The following SMAGP variants were observed in gnomAD, a reference collection of about 807,000 sequenced individuals.
SMAGP encodes small cell adhesion glycoprotein.
In SMAGP, 7 loss-of-function variants were observed where a neutral mutation model predicts 10.1. The ratio of observed to expected loss-of-function variants is 0.70; its 90% CI spans 0.40 to 1.31. The LOEUF (loss-of-function observed/expected upper bound fraction) is 1.31, where lower values mean the gene tolerates loss of function less well. Among genes scored for constraint, SMAGP ranks in the 50% most tolerant of loss-of-function variants. The pLI, the probability that SMAGP is intolerant of heterozygous loss-of-function variation, is 0.01. For synonymous variants in SMAGP, 49 were observed against 47.2 expected, an observed-to-expected ratio of 1.04 and a Z score of -0.16; for missense variants, 113 against 116.5, an observed-to-expected ratio of 0.97 and a Z score of 0.14.
intron 2 of SMAGP, among the ~76,000 whole-genome samples, chr12:51,266,389 C>T (rs1424966741): frequency 1.3e-5 from 2 of 149,636 alleles, no homozygotes; most frequent in African/African-American, 4.9e-5. Context: ...GGCCCCAAAG[C>T]ACAAGAATAG....
At chr12:51,255,483 C>T (rs954300395) in intron 2 of SMAGP, among the ~76,000 whole-genome samples, 59 of 152,152 alleles carry the variant, frequency 3.9e-4, no homozygotes, top group Non-Finnish European at 2.8e-4. Flanking sequence ...CTGAGACCAC[C>T]ATGTTGAGAG....
At chr12:51,246,635 TG>T in intron 3 of SMAGP, 115 bp downstream of exon 3, 1 of 623,976 alleles carries the variant, frequency 1.6e-6, no homozygotes, top group Non-Finnish European at 2.7e-6. Flanking sequence ...TGTGTGTGTG[TG>T]TGTAATATAA....
intron 2 of SMAGP, among the ~76,000 whole-genome samples, chr12:51,254,705 T>C (rs1565658286): frequency 6.6e-6 from 1 of 152,086 alleles, no homozygotes. Flanking sequence ...GCTTTACTGA[T>C]GAGGTGACTT....
intron 2 of SMAGP, among the ~76,000 whole-genome samples, chr12:51,251,771 T>TAGTTTATTTTC (rs1944840987): frequency 6.6e-6 from 1 of 152,186 alleles, no homozygotes; most frequent in African/African-American, 2.4e-5. Context: ...TCTTTATTTT[T>TAGTTTATTTTC]AGTTTATTTT....
chr12:51,246,604 C>CTG (rs59561227), intron 3 of SMAGP, 147 bp downstream of exon 3: 41,252 of 331,776 alleles, frequency 0.12, 362 homozygotes, highest in East Asian at 0.21. Flanking sequence ...TCTTTTATGG[C>CTG]TGTGTGTGTG....
intron 2 of SMAGP, among the ~76,000 whole-genome samples, chr12:51,249,531 C>G (rs1217021684): frequency 6.6e-6 from 1 of 152,118 alleles, no homozygotes; most frequent in Non-Finnish European, 1.5e-5. Flanking sequence ...CAGAGAAATT[C>G]TCAAATATTT....
intron 2 of SMAGP, among the ~76,000 whole-genome samples, chr12:51,264,950 A>AG (rs1555167582): frequency 1.5e-4 from 23 of 150,540 alleles, no homozygotes; most frequent in Middle Eastern, 3.5e-3. Flanking sequence ...AAAAAAAAAA[A>AG]AGAGAAAGAG....
At chr12:51,265,653 G>C (rs1310092107) in intron 2 of SMAGP, among the ~76,000 whole-genome samples, 1 of 152,202 alleles carries the variant, frequency 6.6e-6, no homozygotes, top group African/African-American at 2.4e-5. Flanking sequence ...GAAGTACCTA[G>C]AGCAGTCAAA....
chr12:51,246,214 G>A, intron 3 of SMAGP, 95 bp from the exon 4 acceptor site: 1 of 1,521,800 alleles, frequency 6.6e-7, no homozygotes, highest in Non-Finnish European at 8.9e-7. Context: ...TTTTCGTAAA[G>A]ATCCTCTTGT....
Position 51,245,840 on chromosome 12 carries a change from A to G in SMAGP, c.*101T>C. The G allele has an allele frequency of 7.3e-7, 1 of 1,371,524 alleles. No homozygotes were observed. Among genetic ancestry groups the G allele is most frequent in the Non-Finnish European group, 9.9e-7 (1 of 1,011,776 alleles). The allele number at this position is 1,371,524 out of a possible 1,614,324, so 85.0% of individuals were successfully genotyped here. On this transcript the variant is annotated 3_prime_UTR_variant, in exon 4 of 4. Transcript: ENST00000603798. Reference sequence around the variant, plus strand: ...GCTGGAGCTTGGATTTGCCCACATCAATCAATGCTTCTCCCTGGCTTCAGA... The same window carrying G: ...GCTGGAGCTTGGATTTGCCCACATCGATCAATGCTTCTCCCTGGCTTCAGA...
At chr12:51,248,917 A>C (rs1213720140) in intron 2 of SMAGP, among the ~76,000 whole-genome samples, 60 of 146,806 alleles carry the variant, frequency 4.1e-4, no homozygotes, top group Non-Finnish European at 7.7e-4. Flanking sequence ...AAAAAAAAAA[A>C]AAAAAAAAAA....
At chr12:51,248,099 C>T (rs1944796444) in intron 2 of SMAGP, among the ~76,000 whole-genome samples, 1 of 148,808 alleles carries the variant, frequency 6.7e-6, no homozygotes, top group South Asian at 2.1e-4. Context: ...GTGAGCATGA[C>T]TCCCGTCCAG....
intron 2 of SMAGP, among the ~76,000 whole-genome samples, chr12:51,249,458 A>G (rs7308873): frequency 0.78 from 119,056 of 151,848 alleles, 46,787 homozygotes; most frequent in East Asian, 0.93. Flanking sequence ...AGATAGTGTC[A>G]GAATTGAATT....
rs2271821 is a variant in SMAGP, at chr12:51,270,363, A to G, written c.-146T>C. On this transcript the variant is annotated 5_prime_UTR_variant, in exon 1 of 4. Transcript: ENST00000603798. ...AGTCGCGGAGGCCAGCAGAGGCCGA[A>G]CGAGGACCCCGAGCGGAGGAAGCCG... The G allele has an allele frequency of 0.7, 134,271 of 191,468 alleles. 51,029 individuals carry two copies. The highest frequency in any genetic ancestry group is 0.85 in the Non-Finnish European group (80,060 of 94,212). The allele number at this position is 191,468 out of a possible 1,614,324, so 11.9% of individuals were successfully genotyped here. A position where few individuals can be genotyped will look rare whatever the true frequency, so the allele number is the denominator to read the frequency against.
intron 2 of SMAGP, among the ~76,000 whole-genome samples, chr12:51,264,674 G>A (rs1452837924): frequency 1.4e-5 from 2 of 147,236 alleles, no homozygotes; most frequent in Non-Finnish European, 3.0e-5. Flanking sequence ...GCTCATGCCT[G>A]TAATCCTAGT....
rs537858973 is a variant in SMAGP at position 51,253,339 on chromosome 12, C to T, written c.35-6508G>A. On this transcript the variant is annotated intron_variant, in intron 2 of 3. Coordinates refer to ENST00000603798, the MANE Select transcript of SMAGP (RefSeq NM_001031628.2). Reference sequence around the variant, plus strand: ...TCAGTGAACAACACAGGCAAAAACCCTTACCTTTAAAGTTCCTGCCAGGAT... The same window carrying T: ...TCAGTGAACAACACAGGCAAAAACCTTTACCTTTAAAGTTCCTGCCAGGAT... Among the ~76,000 whole-genome samples the T allele has an allele frequency of 5.9e-5, 9 of 152,266 alleles. No individual in the cohort carries two copies. The South Asian group carries it at 1.7e-3, about 28-fold the overall frequency.
intron 2 of SMAGP, among the ~76,000 whole-genome samples, chr12:51,263,347 C>T (rs1944945858): frequency 6.6e-6 from 1 of 151,252 alleles, no homozygotes; most frequent in Admixed American, 6.6e-5. Flanking sequence ...TGCACCACTA[C>T]ACTCCAGCCT....
chr12:51,264,627 TAA>T (rs576531152), intron 2 of SMAGP, among the ~76,000 whole-genome samples: 64 of 101,076 alleles, frequency 6.3e-4, no homozygotes, highest in African/African-American at 1.3e-3. Flanking sequence ...TCCCATCTCT[TAA>T]AAAAAAAAAA....
At chr12:51,268,115 G>A (rs1307654902) in intron 2 of SMAGP, among the ~76,000 whole-genome samples, 4 of 152,168 alleles carry the variant, frequency 2.6e-5, no homozygotes, top group Non-Finnish European at 5.9e-5. Context: ...GAGCAGTAGT[G>A]CCCGGCCTCC....
Sources: gnomAD v4.1 joint callset for allele counts (sites outside exome capture counted in the v4.1 genomes callset) on GRCh38, gnomAD v4.1.1 for gene constraint, MANE v1.5 for transcripts, NCBI Gene and HGNC (gene_info 2026-07-23, HGNC 2026-07-21) for gene names.